Variants in TYW1 observed in about 807,000 individuals in gnomAD.
The protein encoded by TYW1 is tRNA-yW synthesizing protein 1 homolog.
Under a neutral mutation model 96.2 loss-of-function variants are expected in TYW1, and 46 were observed. The ratio of observed to expected loss-of-function variants is 0.48; its 90% CI spans 0.38 to 0.61. TYW1 has a LOEUF of 0.61. Among genes scored for constraint, TYW1 ranks in the 20% least tolerant of loss-of-function variants. The probability of loss-of-function intolerance (pLI) is 0.00; values close to 1 mark genes in which losing one functional copy is unlikely to be tolerated. For synonymous variants in TYW1, 274 were observed against 323.0 expected, an observed-to-expected ratio of 0.85 and a Z score of 1.63; for missense variants, 684 against 909.6, an observed-to-expected ratio of 0.75 and a Z score of 3.19.
intron 15 of TYW1, among the ~76,000 whole-genome samples, chr7:67,203,162 C>T (rs1368752741): frequency 3.9e-5 from 6 of 152,190 alleles, no homozygotes; most frequent in East Asian, 1.9e-4. Context: ...CTCTGGCGAC[C>T]GCTAATCTCC....
chr7:67,198,561 AAAG>A (rs1219763089), intron 15 of TYW1, among the ~76,000 whole-genome samples: 2 of 152,054 alleles, frequency 1.3e-5, no homozygotes, highest in East Asian at 3.9e-4. Flanking sequence ...AAAAAAAAAA[AAAG>A]AAGATATAAA....
At chr7:67,010,508 C>T (rs187574776) in intron 4 of TYW1, among the ~76,000 whole-genome samples, 6 of 150,972 alleles carry the variant, frequency 4.0e-5, no homozygotes, top group East Asian at 2.0e-4. Context: ...TGGAGTCTCG[C>T]TCTGTCACCC....
At chr7:67,018,844 T>A (rs1027561280) in intron 6 of TYW1, among the ~76,000 whole-genome samples, 1 of 150,022 alleles carries the variant, frequency 6.7e-6, no homozygotes, top group African/African-American at 2.5e-5. Flanking sequence ...TAATCCCAGC[T>A]ACTTGGGAGG....
At chr7:67,110,622 A>G (rs1217067332) in intron 12 of TYW1, among the ~76,000 whole-genome samples, 5 of 152,192 alleles carry the variant, frequency 3.3e-5, no homozygotes, top group African/African-American at 1.2e-4. Flanking sequence ...GAAACGAACA[A>G]AACAATATTC....
At chr7:67,071,605 A>G (rs1796032484) in intron 10 of TYW1, among the ~76,000 whole-genome samples, 1 of 150,208 alleles carries the variant, frequency 6.7e-6, no homozygotes, top group Admixed American at 6.7e-5. Flanking sequence ...GGTGTGTGCT[A>G]CTATACCTGG....
At chr7:67,173,397 A>C (rs1799572768) in intron 13 of TYW1, among the ~76,000 whole-genome samples, 1 of 152,142 alleles carries the variant, frequency 6.6e-6, no homozygotes, top group Non-Finnish European at 1.5e-5. Context: ...GTTTCTTTGT[A>C]ATTCCTGTAA....
intron 13 of TYW1, among the ~76,000 whole-genome samples, chr7:67,173,420 A>G (rs2116268950): frequency 6.6e-6 from 1 of 152,314 alleles, no homozygotes; most frequent in South Asian, 2.1e-4. Flanking sequence ...TGGTAGTTAC[A>G]ACTAAAGGCT....
At chr7:67,034,332 C>T (rs961547307) in intron 7 of TYW1, among the ~76,000 whole-genome samples, 23 of 151,750 alleles carry the variant, frequency 1.5e-4, no homozygotes, top group Admixed American at 1.3e-3. Context: ...TGTCCAGTTC[C>T]TGGCCTCAAG....
At chr7:67,119,465 C>G (rs149229648) in intron 13 of TYW1, among the ~76,000 whole-genome samples, 338 of 152,304 alleles carry the variant, frequency 2.2e-3, no homozygotes, top group African/African-American at 7.4e-3. Flanking sequence ...GTTACCATTT[C>G]TGCACATGTA....
At position 67,238,362 on chromosome 7, in the gene TYW1, C is replaced by G. The variant is rs759326377; in HGVS notation, c.2032C>G (p.Leu678Val). The change falls in exon 16 of 16, where the codon CTC becomes GTC. Residue 678 changes from leucine to valine, a missense_variant. Transcript: ENST00000359626. ...TWIDYNRFQE[L>V]IQEYEDSGGS... ...GATCGATTATAACCGCTTCCAGGAG[C>G]TCATCCAGGAATATGAAGATAGTGG... 6.2e-7 allele frequency: 1 copy of G among 1,612,944 alleles called. No homozygotes were observed. Among genetic ancestry groups the G allele is most frequent in the Non-Finnish European group, 8.5e-7 (1 of 1,179,342 alleles).
chr7:67,029,437 A>ACACATATATATATATATATGTGT (rs746024597), intron 7 of TYW1, among the ~76,000 whole-genome samples: 2 of 146,554 alleles, frequency 1.4e-5, no homozygotes, highest in Admixed American at 7.0e-5. Context: ...ATATATAAAT[A>ACACATATATATATATATATGTGT]GTATTTTCTA....
At chr7:67,145,765 G>T (rs77100932) in intron 13 of TYW1, among the ~76,000 whole-genome samples, 39,193 of 151,340 alleles carry the variant, frequency 0.26, 5,508 homozygotes, top group African/African-American at 0.38. Flanking sequence ...TTTGTTTGGG[G>T]TTTTTTTGAG....
chr7:67,034,067 C>G (rs1794753431), intron 7 of TYW1, among the ~76,000 whole-genome samples: 1 of 150,708 alleles, frequency 6.6e-6, no homozygotes, highest in African/African-American at 2.4e-5. Context: ...ATCTGATCTT[C>G]TCTTTGTAGT....
intron 9 of TYW1, among the ~76,000 whole-genome samples, chr7:67,065,194 G>C (rs1222250698): frequency 6.6e-6 from 1 of 152,176 alleles, no homozygotes; most frequent in Non-Finnish European, 1.5e-5. Flanking sequence ...CACATGCAGA[G>C]AGATCTCTGG....
chr7:67,101,749 C>T lies in TYW1; in HGVS notation c.1562+3031C>T, dbSNP rs187279741. Among the ~76,000 whole-genome samples, 448 of 152,188 alleles carry T rather than the reference C, an allele frequency of 2.9e-3. 5 individuals are homozygous for T. The highest frequency in any genetic ancestry group is 0.01 in the Middle Eastern group (3 of 294). On this transcript the variant is annotated intron_variant, in intron 12 of 15. Coordinates refer to ENST00000359626, the MANE Select transcript of TYW1 (RefSeq NM_018264.4). ...CTGACCTCAAGTGATACACCTGCCT[C>T]GGCCTCCCAAAGTGCTGGGATTACA...
chr7:67,113,881 C>A (rs975917615), intron 12 of TYW1, among the ~76,000 whole-genome samples: 1 of 152,110 alleles, frequency 6.6e-6, no homozygotes, highest in Non-Finnish European at 1.5e-5. Flanking sequence ...TCAGGTGATC[C>A]TCCTGTCTCA....
chr7:67,004,590 G>A (rs1289316055), intron 3 of TYW1, among the ~76,000 whole-genome samples: 1 of 152,130 alleles, frequency 6.6e-6, no homozygotes, highest in African/African-American at 2.4e-5. Context: ...TTTTTATGGT[G>A]GCCCATAACA....
Position 67,067,304 on chromosome 7 carries a change from G to A in TYW1, c.1175G>A (p.Gly392Glu). Residue 392 changes from glycine to glutamate, a missense_variant, in exon 10 of 16, where the codon GGA becomes GAA. Gly to Glu is a moderately conservative substitution (Grantham distance 98, BLOSUM62 -2). Transcript: ENST00000359626. ...TCATAGTCCATGCTCCGAGGGAGAG[G>A]AGGTTGTTACAAACACACATTCTAT... ...RWTKSMLRGR[G>E]GCYKHTFYGI... The A allele has an allele frequency of 6.2e-6, 10 of 1,613,990 alleles. No homozygotes were observed. Among genetic ancestry groups the A allele is most frequent in the Non-Finnish European group, 8.5e-6 (10 of 1,179,870 alleles).
chr7:67,130,997 A>G (rs1441452275), intron 13 of TYW1, among the ~76,000 whole-genome samples: 1 of 152,192 alleles, frequency 6.6e-6, no homozygotes, highest in Non-Finnish European at 1.5e-5. Context: ...AGCCCTTAAC[A>G]CGGTGACTGA....
Sources: gnomAD v4.1 joint callset for allele counts (sites outside exome capture counted in the v4.1 genomes callset) on GRCh38, gnomAD v4.1.1 for gene constraint, MANE v1.5 for transcripts, NCBI Gene and HGNC (gene_info 2026-07-23, HGNC 2026-07-21) for gene names.